Variants in ATP7A observed in about 807,000 individuals in gnomAD.
The protein encoded by ATP7A is copper-transporting ATPase 1.
ATP7A carries 7 observed loss-of-function variants against 83.5 expected under a neutral mutation model. The observed-to-expected ratio is 0.08, with a 90% CI of 0.05 to 0.16. ATP7A has a LOEUF of 0.16. Ranked by LOEUF, ATP7A falls within the 10% of genes least tolerant of loss-of-function variation. ATP7A has a pLI of 1.00. For missense variants in ATP7A, 940 were observed against 1,120.8 expected (o/e 0.84, Z 2.30); for synonymous variants, 354 against 395.2 (o/e 0.90, Z 1.24).
intron 7 of ATP7A, 153 bp downstream of exon 7, chrX:78,009,416 G>A (rs781818572): frequency 8.9e-6 from 6 of 677,641 alleles, no homozygotes; most frequent in African/African-American, 4.4e-5. Flanking sequence ...TAATGTAAAC[G>A]TGTCTGCATT....
intron 1 of ATP7A, among the ~76,000 whole-genome samples, chrX:77,962,153 C>T (rs782591957): frequency 3.5e-4 from 39 of 111,601 alleles, no homozygotes; most frequent in Non-Finnish European, 6.0e-4. Flanking sequence ...TGGGTACAAG[C>T]GGTTGAAAGA....
intron 1 of ATP7A, among the ~76,000 whole-genome samples, chrX:77,948,084 T>C (rs782601115): frequency 1.1e-5 from 1 of 93,611 alleles, no homozygotes. Context: ...TTTATTTATT[T>C]ATTTATTTAT....
At chrX:78,020,473 T>TA (rs1370383293) in intron 13 of ATP7A, 75 bp downstream of exon 13, 1 of 1,133,335 alleles carries the variant, frequency 8.8e-7, no homozygotes, top group Non-Finnish European at 1.2e-6. Context: ...ACCTAGTTTT[T>TA]ACGTTTTCCA....
At position 77,968,981 on chromosome X, in the gene ATP7A, A is replaced by G. The variant is rs781884744; in HGVS notation, c.-21-2640A>G. Reference sequence around the variant, plus strand: ...TTGATAGGCTTCAAGTTCTTGTCCAATTCATAGACGATGGGAATACCAGTC... The same window carrying G: ...TTGATAGGCTTCAAGTTCTTGTCCAGTTCATAGACGATGGGAATACCAGTC... On this transcript the variant is annotated intron_variant, in intron 1 of 22. Transcript: ENST00000341514. 4 of 1,209,336 alleles carry G rather than the reference A, an allele frequency of 3.3e-6. No homozygotes were observed. In the African/African-American group the frequency reaches 5.2e-5, roughly 16 times the overall value.
chrX:77,925,569 G>A (rs1380591394), intron 1 of ATP7A, among the ~76,000 whole-genome samples: 2 of 111,062 alleles, frequency 1.8e-5, no homozygotes, highest in African/African-American at 6.6e-5. Context: ...ACAGTTTTCC[G>A]AATGCAGTTT....
chrX:77,950,943 A>C (rs1275537775), intron 1 of ATP7A, among the ~76,000 whole-genome samples: 1 of 110,417 alleles, frequency 9.1e-6, no homozygotes, highest in Non-Finnish European at 1.9e-5. Flanking sequence ...AATCACTTGA[A>C]CCCGAGAGGT....
chrX:78,040,131 A>G (rs990699193), intron 18 of ATP7A, among the ~76,000 whole-genome samples: 13 of 110,838 alleles, frequency 1.2e-4, no homozygotes, highest in Non-Finnish European at 2.1e-4. Flanking sequence ...TGTTTTGTAA[A>G]TAGAATAAAA....
chrX:77,994,632 G>C (rs1569549652), intron 4 of ATP7A, among the ~76,000 whole-genome samples: 1 of 109,850 alleles, frequency 9.1e-6, no homozygotes, highest in Non-Finnish European at 1.9e-5. Flanking sequence ...CTTAATTTCC[G>C]GGGCTTAAGC....
intron 1 of ATP7A, among the ~76,000 whole-genome samples, chrX:77,932,660 C>G (rs1490837100): frequency 9.0e-6 from 1 of 111,430 alleles, no homozygotes; most frequent in South Asian, 3.7e-4. Flanking sequence ...CCCGGCACCT[C>G]GGGAGGCCGA....
At chrX:78,019,494 G>A (rs1402075247) in intron 12 of ATP7A, among the ~76,000 whole-genome samples, 2 of 110,443 alleles carry the variant, frequency 1.8e-5, no homozygotes, top group Non-Finnish European at 3.8e-5. Flanking sequence ...TTGAGACAAG[G>A]TCTTACCCTG....
intron 5 of ATP7A, among the ~76,000 whole-genome samples, chrX:77,998,953 T>A (rs782429361): frequency 9.0e-6 from 1 of 111,020 alleles, no homozygotes; most frequent in Non-Finnish European, 1.9e-5. Context: ...GAGATTACTA[T>A]TTTTTATAGA....
At chrX:78,011,422 T>G (rs781893547) in intron 8 of ATP7A, 27 bp from the exon 9 acceptor site, 83 of 1,178,192 alleles carry the variant, frequency 7.0e-5, no homozygotes, top group Non-Finnish European at 8.5e-5. Context: ...GACCATGATT[T>G]TTCTTTTTTT....
rs2077751321 is a variant in ATP7A, at chrX:78,003,061, C to T, written c.1544-12C>T. The stretch of plus-strand genomic sequence containing the variant: ...ATGTTATCTGTATTGTTTTTCTTAT[C>T]AATGCTCTTAGGAATATATTCTATA... On this transcript the variant is annotated splice_polypyrimidine_tract_variant and intron_variant, in intron 5 of 22. Transcript: ENST00000341514. 1 of 1,202,254 alleles carries T rather than the reference C, an allele frequency of 8.3e-7. No individual in the cohort carries two copies. Among genetic ancestry groups the T allele is most frequent in the Non-Finnish European group, 1.1e-6 (1 of 887,860 alleles).
At chrX:77,949,399 C>T (rs1430293042) in intron 1 of ATP7A, among the ~76,000 whole-genome samples, 2 of 111,957 alleles carry the variant, frequency 1.8e-5, no homozygotes, top group Non-Finnish European at 3.8e-5. Context: ...CTCTTAAAGT[C>T]GCTTCACGTA....
Position 78,016,693 on chromosome X carries a change from C to T in ATP7A, c.2626+812C>T, listed in dbSNP as rs782298126. 1.2e-4 allele frequency among the ~76,000 whole-genome samples: 14 copies of T among 112,055 alleles called. No individual in the cohort carries two copies. In the South Asian group the frequency reaches 5.2e-3, roughly 42 times the overall value. On this transcript the variant is annotated intron_variant, in intron 12 of 22. Coordinates refer to ENST00000341514, the MANE Select transcript of ATP7A (RefSeq NM_000052.7). ...ACAGGCCCCATGCAAGTCCAAAATC[C>T]GTTGGGGCAGTCATTAAATCTTAAA...
At chrX:78,040,457 G>T (rs2078040300) in intron 18 of ATP7A, 134 bp from the exon 19 acceptor site, 4 of 769,704 alleles carry the variant, frequency 5.2e-6, no homozygotes, top group Non-Finnish European at 7.6e-6. Flanking sequence ...TGGGCTTAGA[G>T]ATATTTTAAG....
At chrX:78,040,206 C>A (rs1420646961) in intron 18 of ATP7A, among the ~76,000 whole-genome samples, 3 of 102,920 alleles carry the variant, frequency 2.9e-5, no homozygotes, top group Non-Finnish European at 6.0e-5. Context: ...TCTGCCCCCC[C>A]CCCCTTACCT....
chrX:77,955,068 A>G (rs1328454045), intron 1 of ATP7A, among the ~76,000 whole-genome samples: 1 of 111,194 alleles, frequency 9.0e-6, no homozygotes, highest in Non-Finnish European at 1.9e-5. Context: ...TAAACATTAA[A>G]TATATAGTTG....
chrX:77,932,888 G>C (rs925401291), intron 1 of ATP7A, among the ~76,000 whole-genome samples: 1 of 110,845 alleles, frequency 9.0e-6, no homozygotes, highest in East Asian at 2.8e-4. Context: ...ATTAGAGGGA[G>C]ACCGTGGAAA....
Sources: gnomAD v4.1 joint callset for allele counts (sites outside exome capture counted in the v4.1 genomes callset) on GRCh38, gnomAD v4.1.1 for gene constraint, MANE v1.5 for transcripts, NCBI Gene and HGNC (gene_info 2026-07-23, HGNC 2026-07-21) for gene names.